Variants in RPA1 observed in about 807,000 individuals in gnomAD.
RPA1 encodes replication protein A 70 kDa DNA-binding subunit.
A neutral mutation model predicts 83.0 loss-of-function variants in RPA1; 49 were observed. The ratio of observed to expected loss-of-function variants is 0.59; its 90% CI spans 0.47 to 0.75. RPA1 has a LOEUF of 0.75. Among genes scored for constraint, RPA1 ranks in the 30% least tolerant of loss-of-function variants. RPA1 has a pLI of 0.00. For missense variants in RPA1, 693 were observed against 776.1 expected, an observed-to-expected ratio of 0.89 and a Z score of 1.27; for synonymous variants, 279 against 281.8, an observed-to-expected ratio of 0.99 and a Z score of 0.10.
chr17:1,897,340 A>G lies in RPA1; in HGVS notation c.*165A>G. ...CGCATCTCAGAACCCATCGGTAGGCAAAGGAAAATACGCTCAGGTGGTTGT... is the reference window on the plus strand; with the variant it reads ...CGCATCTCAGAACCCATCGGTAGGCGAAGGAAAATACGCTCAGGTGGTTGT... On this transcript the variant is annotated 3_prime_UTR_variant, in exon 17 of 17. Transcript: ENST00000254719. The G allele has an allele frequency of 1.7e-6, 1 of 591,746 alleles. No individual in the cohort carries two copies. The highest frequency in any genetic ancestry group is 3.0e-6 in the Non-Finnish European group (1 of 336,498). The allele number at this position is 591,746 out of a possible 1,614,324, so 36.7% of individuals were successfully genotyped here.
intron 1 of RPA1, among the ~76,000 whole-genome samples, chr17:1,831,941 C>G (rs1022189882): frequency 1.3e-5 from 1 of 77,554 alleles, no homozygotes; most frequent in Admixed American, 1.9e-4. Flanking sequence ...GAGTCTCACT[C>G]TTTCTCCCCA....
chr17:1,887,259 C>T (rs993028014), intron 13 of RPA1, among the ~76,000 whole-genome samples: 1 of 151,996 alleles, frequency 6.6e-6, no homozygotes, highest in Non-Finnish European at 1.5e-5. Context: ...ACAATAGTGA[C>T]GTTAAAGATC....
At chr17:1,861,685 A>G (rs913366673) in intron 5 of RPA1, among the ~76,000 whole-genome samples, 1 of 150,614 alleles carries the variant, frequency 6.6e-6, no homozygotes. Flanking sequence ...ACATTTGTTT[A>G]TTAACTTCAC....
rs1161791628 is a variant in RPA1 at position 1,884,095 on chromosome 17, C to T, written c.1374+151C>T. 9.7e-7 allele frequency: 1 copy of T among 1,031,892 alleles called. No homozygotes were observed. Among genetic ancestry groups the T allele is most frequent in the African/African-American group, 1.6e-5 (1 of 62,492 alleles). 63.9% of individuals were successfully genotyped at this position (1,031,892 alleles called of 1,614,324 possible). The stretch of plus-strand genomic sequence containing the variant: ...TGGCATGGGGGTTGAGAATCACTGG[C>T]AGAGGGAAGCAGCCAGGTGTGCTCA... On this transcript the variant is annotated intron_variant, in intron 13 of 16. Coordinates refer to ENST00000254719, the MANE Select transcript of RPA1 (RefSeq NM_002945.5). The surrounding 1 kb of genome is among the most constrained non-coding windows in gnomAD (Gnocchi z 4.1).
At chr17:1,856,135 G>A (rs759302103) in intron 5 of RPA1, among the ~76,000 whole-genome samples, 1 of 151,894 alleles carries the variant, frequency 6.6e-6, no homozygotes. Context: ...ACCAGCCTGC[G>A]CAACATGATA....
At chr17:1,836,899 G>A (rs1052590970) in intron 1 of RPA1, among the ~76,000 whole-genome samples, 4 of 150,390 alleles carry the variant, frequency 2.7e-5, no homozygotes, top group Middle Eastern at 3.4e-3. Flanking sequence ...GTGCAGTGGC[G>A]CAATCTCAGC....
At chr17:1,842,393 G>T (rs1912084311) in intron 1 of RPA1, among the ~76,000 whole-genome samples, 1 of 151,930 alleles carries the variant, frequency 6.6e-6, no homozygotes, top group Non-Finnish European at 1.5e-5. Flanking sequence ...ATTTTCTTTT[G>T]TATCAGTTTT....
At chr17:1,858,098 A>G (rs1912784878) in intron 5 of RPA1, 2 of 1,613,610 alleles carry the variant, frequency 1.2e-6, no homozygotes, top group East Asian at 2.2e-5. Context: ...ACCACTCCAG[A>G]CTGGTATAGC....
In RPA1 at chr17:1,897,330, A is replaced by C; in HGVS notation, c.*155A>C. ...CCCCCTCGTGCGCATCTCAGAACCC[A>C]TCGGTAGGCAAAGGAAAATACGCTC... On this transcript the variant is annotated 3_prime_UTR_variant, in exon 17 of 17. Coordinates refer to ENST00000254719, the MANE Select transcript of RPA1 (RefSeq NM_002945.5). 1 of 605,152 alleles carries C rather than the reference A, an allele frequency of 1.7e-6. No individual in the cohort carries two copies. Among genetic ancestry groups the C allele is most frequent in the Non-Finnish European group, 2.9e-6 (1 of 346,694 alleles). The allele number at this position is 605,152 out of a possible 1,614,324, so 37.5% of individuals were successfully genotyped here.
chr17:1,877,315 G>A lies in RPA1; in HGVS notation c.690+1G>A. On this transcript the variant is annotated splice_donor_variant, in intron 8 of 16. Coordinates refer to ENST00000254719, the MANE Select transcript of RPA1 (RefSeq NM_002945.5). LOFTEE classifies it high-confidence loss of function. ...CTCCCTAGAACTGGTTGACGAAAGT[G>A]TGAGTGTTTGTCATGCTGGGGAGTG... The A allele has an allele frequency of 1.2e-6, 2 of 1,613,650 alleles. No homozygotes were observed. The highest frequency in any genetic ancestry group is 1.7e-6 in the Non-Finnish European group (2 of 1,179,656).
At chr17:1,830,246 G>T in intron 1 of RPA1, 120 bp downstream of exon 1, 1 of 728,048 alleles carries the variant, frequency 1.4e-6, no homozygotes, top group Non-Finnish European at 1.9e-6. Flanking sequence ...GGAGGAGATG[G>T]CGGGGGGCGG....
intron 5 of RPA1, among the ~76,000 whole-genome samples, chr17:1,861,296 C>G (rs917443104): frequency 1.6e-4 from 24 of 152,158 alleles, no homozygotes; most frequent in African/African-American, 5.6e-4. Context: ...TCTGGCAGGC[C>G]CCCTAAGCCC....
intron 5 of RPA1, among the ~76,000 whole-genome samples, chr17:1,861,933 T>A (rs1373288361): frequency 6.6e-6 from 1 of 151,682 alleles, no homozygotes; most frequent in Non-Finnish European, 1.5e-5. Flanking sequence ...GGAGTCTCAC[T>A]GTGTCGCCCA....
At chr17:1,859,712 C>T (rs1246224697) in intron 5 of RPA1, among the ~76,000 whole-genome samples, 1 of 152,138 alleles carries the variant, frequency 6.6e-6, no homozygotes, top group African/African-American at 2.4e-5. Context: ...CTCAGTGCAG[C>T]CTCAACACCT....
chr17:1,841,343 G>A (rs1912039098), intron 1 of RPA1, among the ~76,000 whole-genome samples: 2 of 151,916 alleles, frequency 1.3e-5, no homozygotes, highest in African/African-American at 4.8e-5. Flanking sequence ...TCACTCTGTC[G>A]CCCAGGCTGG....
At chr17:1,890,008 GAGAAAA>G (rs1914146494) in intron 14 of RPA1, among the ~76,000 whole-genome samples, 1 of 151,666 alleles carries the variant, frequency 6.6e-6, no homozygotes, top group Non-Finnish European at 1.5e-5. Context: ...CTCAAGAAAA[GAGAAAA>G]AGAAAACAGT....
In RPA1 at chr17:1,853,631, C is replaced by T. The variant is rs147005232; in HGVS notation, c.361+442C>T. Among the ~76,000 whole-genome samples the T allele has an allele frequency of 1.6e-3, 246 of 152,132 alleles. 1 individual carries two copies. The highest frequency in any genetic ancestry group is 4.8e-3 in the African/African-American group (199 of 41,498). On this transcript the variant is annotated intron_variant, in intron 5 of 16. Coordinates refer to ENST00000254719, the MANE Select transcript of RPA1 (RefSeq NM_002945.5). ...CCAGGAGACAGAGGTTTCAGTGAGC[C>T]GAGATCGTGCCACTGCACTCCAGCC...
chr17:1,835,479 T>G (rs1007016749), intron 1 of RPA1, among the ~76,000 whole-genome samples: 6 of 152,164 alleles, frequency 3.9e-5, no homozygotes, highest in African/African-American at 1.4e-4. Flanking sequence ...ATGAGTTACA[T>G]TTGTAAACAG....
intron 7 of RPA1, 84 bp from the exon 8 acceptor site, chr17:1,877,128 G>T: frequency 1.5e-6 from 2 of 1,300,442 alleles, no homozygotes; most frequent in South Asian, 2.4e-5. Flanking sequence ...TGCGTAAGAC[G>T]AGAAAGGCTG....
Sources: allele counts gnomAD v4.1 joint callset (sites outside exome capture counted in the v4.1 genomes callset), GRCh38; gene constraint gnomAD v4.1.1; non-coding constraint Gnocchi (gnomAD v3.1); transcripts MANE v1.5; gene names NCBI Gene and HGNC (gene_info 2026-07-23, HGNC 2026-07-21).